Variants in DST observed in about 807,000 individuals in gnomAD.
DST encodes dystonin.
A neutral mutation model predicts 875.2 loss-of-function variants in DST; 253 were observed. The ratio of observed to expected loss-of-function variants is 0.29; its 90% confidence interval spans 0.26 to 0.32. The LOEUF (loss-of-function observed/expected upper bound fraction) is 0.32. Among genes scored for constraint, DST ranks in the 10% least tolerant of loss-of-function variants. DST has a pLI of 1.00. For missense variants in DST, 8,287 were observed against 9,111.6 expected, an observed-to-expected ratio of 0.91 and a Z score of 3.68; for synonymous variants, 3,124 against 3,197.1, an observed-to-expected ratio of 0.98 and a Z score of 0.77.
At chr6:56,850,324 G>A (rs917730291) in intron 4 of DST, among the ~76,000 whole-genome samples, 14 of 151,014 alleles carry the variant, frequency 9.3e-5, no homozygotes, top group African/African-American at 3.4e-4. Context: ...GTTCTCAGCT[G>A]CCTTGATGGC....
At chr6:56,491,974 C>T (rs1027538003) in intron 85 of DST, among the ~76,000 whole-genome samples, 3 of 152,168 alleles carry the variant, frequency 2.0e-5, no homozygotes, top group African/African-American at 7.2e-5. Context: ...ATGATAATAG[C>T]CTGTCTATGA....
chr6:56,768,147 T>A (rs1312595500), intron 4 of DST, among the ~76,000 whole-genome samples: 2 of 152,162 alleles, frequency 1.3e-5, no homozygotes, highest in Admixed American at 6.5e-5. Context: ...AAGGTAACCA[T>A]TGTGTACCGA....
chr6:56,774,979 C>T (rs1380907335), intron 4 of DST, among the ~76,000 whole-genome samples: 2 of 131,470 alleles, frequency 1.5e-5, no homozygotes, highest in Non-Finnish European at 3.1e-5. Flanking sequence ...GCAACAAGAG[C>T]GAAACTCCAT....
In DST at chr6:56,557,625, T is replaced by C. The variant is rs1011912361; in HGVS notation, c.14441-107A>G. The C allele has an allele frequency of 7.0e-6, 6 of 853,664 alleles. No homozygotes were observed. In the African/African-American group the frequency reaches 8.6e-5, roughly 12 times the overall value. The allele number at this position is 853,664 out of a possible 1,614,324, so 52.9% of individuals were successfully genotyped here. A position where few individuals can be genotyped will look rare whatever the true frequency, so the allele number is the denominator to read the frequency against. On this transcript the variant is annotated intron_variant, in intron 58 of 103. Coordinates refer to ENST00000680361, the MANE Select transcript of DST (RefSeq NM_001374736.1). ...TTAAAATGATATATAATGGCTATAA[T>C]CCCATTTTTATGACTCTTGTTACAT...
At position 56,788,128 on chromosome 6, in the gene DST, C is replaced by CAAAAAA. The variant is rs781369739; in HGVS notation, c.626-52845_626-52840dup. 1.9e-4 allele frequency among the ~76,000 whole-genome samples: 5 copies of CAAAAAA among 26,586 alleles called. 1 individual carries two copies. The highest frequency in any genetic ancestry group is 7.8e-4 in the African/African-American group (4 of 5,138). The allele number at this position is 26,586 out of a possible 152,430, so 17.4% of individuals were successfully genotyped here. A position where few individuals can be genotyped will look rare whatever the true frequency, so the allele number is the denominator to read the frequency against. On this transcript the variant is annotated intron_variant, in intron 4 of 103. Transcript: ENST00000680361. ...TGAGTGACAGAGCAAGACTCCGTCT[C>CAAAAAA]AAAAAAAAAAAAAAAAAAAAAAAAA...
At chr6:56,888,206 C>A (rs977709846) in intron 3 of DST, among the ~76,000 whole-genome samples, 30 of 152,134 alleles carry the variant, frequency 2.0e-4, no homozygotes, top group African/African-American at 7.2e-4. Context: ...CCTCAGCCTC[C>A]CAGTGTGCTG....
intron 4 of DST, among the ~76,000 whole-genome samples, chr6:56,831,949 A>C (rs1446242531): frequency 6.6e-6 from 1 of 152,210 alleles, no homozygotes; most frequent in Admixed American, 6.5e-5. Flanking sequence ...TAATTATAAA[A>C]GTATTTCATT....
Position 56,640,192 on chromosome 6 carries a change from A to C in DST, c.2441T>G (p.Ile814Ser). 6.2e-7 allele frequency: 1 copy of C among 1,614,150 alleles called. No individual in the cohort carries two copies. Among genetic ancestry groups the C allele is most frequent in the African/African-American group, 1.3e-5 (1 of 75,040 alleles). Residue 814 changes from isoleucine to serine, a missense_variant, in exon 18 of 104, where the codon ATC becomes AGC. Physicochemically the swap from Ile to Ser is moderately radical, Grantham distance 142 (BLOSUM62 -2). Around this residue, in one of 10 missense-constraint regions of DST, gnomAD observed 1,160 missense variants for 1,424.3 expected, o/e 0.81. Coordinates refer to ENST00000680361, the MANE Select transcript of DST (RefSeq NM_001374736.1). ...AAGATCCTGAACAAATTTCATATTG[A>C]TTTCTTCTTCTGTTAAATTTTGATC... ...LLDQNLTEEE[I>S]NMKFVQDLLN...
rs1014482092 is a variant in DST, at chr6:56,809,988, C to A, written c.625+41409G>T. Among the ~76,000 whole-genome samples, 5 of 152,162 alleles carry A rather than the reference C, an allele frequency of 3.3e-5. No homozygotes were observed. In the South Asian group the frequency reaches 6.2e-4, roughly 19 times the overall value. On this transcript the variant is annotated intron_variant, in intron 4 of 103. Transcript: ENST00000680361. ...TGGCCTATAGAAAATAAAAGGATGA[C>A]AACCCGTACTTTCAGTAAACAGTTA...
chr6:56,518,515 G>C (rs1307208750), intron 69 of DST, among the ~76,000 whole-genome samples: 1 of 152,082 alleles, frequency 6.6e-6, no homozygotes, highest in Non-Finnish European at 1.5e-5. Context: ...AGCATACCTG[G>C]ATTTTCGTTT....
chr6:56,574,759 T>C (rs2152622136), intron 50 of DST, among the ~76,000 whole-genome samples: 1 of 152,310 alleles, frequency 6.6e-6, no homozygotes, highest in East Asian at 1.9e-4. Flanking sequence ...TTTTAATGTA[T>C]TCATCTCTTT....
intron 2 of DST, among the ~76,000 whole-genome samples, chr6:56,923,457 C>T (rs1388678098): frequency 1.8e-5 from 2 of 111,304 alleles, no homozygotes; most frequent in East Asian, 2.6e-4. Flanking sequence ...TAAACCGGCT[C>T]ACTGGCAAAA....
intron 68 of DST, among the ~76,000 whole-genome samples, chr6:56,526,965 G>C (rs544224788): frequency 6.6e-6 from 1 of 152,238 alleles, no homozygotes; most frequent in African/African-American, 2.4e-5. Flanking sequence ...TCAAAATGAT[G>C]ACAAACTGGC....
chr6:56,932,472 C>T (rs1378647421), intron 2 of DST, among the ~76,000 whole-genome samples: 1 of 151,938 alleles, frequency 6.6e-6, no homozygotes, highest in Non-Finnish European at 1.5e-5. Context: ...TCTGGAAAGC[C>T]ACAGAACAGG....
At chr6:56,710,354 G>A (rs894138779) in intron 5 of DST, among the ~76,000 whole-genome samples, 12 of 152,236 alleles carry the variant, frequency 7.9e-5, no homozygotes, top group African/African-American at 2.9e-4. Flanking sequence ...ACAGTATTCT[G>A]GAAAACAATC....
chr6:56,497,255 C>G (rs2095946351), intron 82 of DST, 124 bp downstream of exon 82: 1 of 1,096,040 alleles, frequency 9.1e-7, no homozygotes, highest in East Asian at 2.4e-5. Flanking sequence ...CATGTATACA[C>G]AGTGATTTCT....
chr6:56,465,152 T>A (rs1043950983), intron 99 of DST, among the ~76,000 whole-genome samples: 1 of 152,148 alleles, frequency 6.6e-6, no homozygotes, highest in Non-Finnish European at 1.5e-5. Context: ...TGTATAACAA[T>A]CCATGGTGGC....
At chr6:56,655,584 C>T (rs1484156071) in intron 10 of DST, among the ~76,000 whole-genome samples, 2 of 152,150 alleles carry the variant, frequency 1.3e-5, no homozygotes, top group African/African-American at 4.8e-5. Context: ...TCTGGCTACC[C>T]TGCATCTGCT....
intron 2 of DST, among the ~76,000 whole-genome samples, chr6:56,914,019 A>T (rs894714419): frequency 6.6e-6 from 1 of 152,248 alleles, no homozygotes; most frequent in African/African-American, 2.4e-5. Context: ...ACTGAATGAC[A>T]GCAGACTTTT....
Sources: allele counts gnomAD v4.1 joint callset (sites outside exome capture counted in the v4.1 genomes callset), GRCh38; gene constraint gnomAD v4.1.1; regional missense constraint gnomAD v4.1.1; transcripts MANE v1.5; gene names NCBI Gene and HGNC (gene_info 2026-07-23, HGNC 2026-07-21).